CHSY3: variants seen among roughly 807,000 people sequenced by gnomAD.
CHSY3 encodes N-acetylgalactosaminyl-proteoglycan 3-beta-glucuronosyltransferase 3.
A neutral mutation model predicts 67.2 loss-of-function variants in CHSY3; 35 were observed. The ratio of observed to expected loss-of-function variants is 0.52; its 90% CI spans 0.40 to 0.69. CHSY3 has a LOEUF of 0.69. Among genes scored for constraint, CHSY3 ranks in the 30% least tolerant of loss-of-function variants. The pLI is 0.00. For synonymous variants in CHSY3, 474 were observed against 434.7 expected, an observed-to-expected ratio of 1.09 and a Z score of -1.12; for missense variants, 1,069 against 1,138.5, an observed-to-expected ratio of 0.94 and a Z score of 0.88.
intron 2 of CHSY3, among the ~76,000 whole-genome samples, chr5:129,975,257 C>T (rs1762772248): frequency 6.6e-6 from 1 of 152,058 alleles, no homozygotes; most frequent in African/African-American, 2.4e-5. Flanking sequence ...CAATCTAAGA[C>T]TATTAGTTTT....
intron 2 of CHSY3, among the ~76,000 whole-genome samples, chr5:130,012,332 A>T (rs1043139461): frequency 1.3e-5 from 2 of 152,222 alleles, no homozygotes; most frequent in Admixed American, 6.5e-5. Context: ...GCCAACAAAA[A>T]CAAGCACAAG....
chr5:130,004,445 G>A (rs1320169364), intron 2 of CHSY3, among the ~76,000 whole-genome samples: 1 of 152,070 alleles, frequency 6.6e-6, no homozygotes, highest in Admixed American at 6.5e-5. Context: ...TTGGAACTTT[G>A]TCTTTATTAA....
At chr5:130,070,008 T>C (rs1172728305) in intron 2 of CHSY3, among the ~76,000 whole-genome samples, 1 of 152,074 alleles carries the variant, frequency 6.6e-6, no homozygotes, top group Non-Finnish European at 1.5e-5. Flanking sequence ...TTATAAGATA[T>C]AGGCATATAT....
chr5:130,027,489 T>G (rs1764579146), intron 2 of CHSY3, among the ~76,000 whole-genome samples: 1 of 152,138 alleles, frequency 6.6e-6, no homozygotes, highest in Non-Finnish European at 1.5e-5. Flanking sequence ...ATTCTTATTA[T>G]ACTTTAAGTT....
chr5:130,178,225 ATT>A (rs1258091404), intron 2 of CHSY3, among the ~76,000 whole-genome samples: 1,969 of 74,298 alleles, frequency 0.027, 117 homozygotes, highest in African/African-American at 0.096. Context: ...ATATATTTAT[ATT>A]TATATATATA....
At chr5:130,179,659 G>C (rs1770186594) in intron 2 of CHSY3, among the ~76,000 whole-genome samples, 1 of 151,868 alleles carries the variant, frequency 6.6e-6, no homozygotes, top group South Asian at 2.1e-4. Flanking sequence ...TCAAAACCAG[G>C]TGCCTAATGT....
intron 2 of CHSY3, among the ~76,000 whole-genome samples, chr5:130,080,004 A>G (rs1055220652): frequency 2.0e-5 from 3 of 150,706 alleles, no homozygotes; most frequent in Non-Finnish European, 3.0e-5. Context: ...GCTTAGGAAA[A>G]TGTTTTCAGC....
intron 2 of CHSY3, among the ~76,000 whole-genome samples, chr5:129,993,622 T>A (rs1763436100): frequency 6.6e-6 from 1 of 152,116 alleles, no homozygotes; most frequent in Non-Finnish European, 1.5e-5. Context: ...GTGAGATGGG[T>A]TTCCTGAATA....
chr5:130,105,216 C>T (rs1443984012), intron 2 of CHSY3, among the ~76,000 whole-genome samples: 3 of 151,674 alleles, frequency 2.0e-5, no homozygotes, highest in African/African-American at 7.2e-5. Context: ...CTCCCTTTCT[C>T]TCTTCCCCTG....
At chr5:130,169,934 C>T (rs1769852929) in intron 2 of CHSY3, among the ~76,000 whole-genome samples, 1 of 151,934 alleles carries the variant, frequency 6.6e-6, no homozygotes. Flanking sequence ...TTAATGTCTT[C>T]TGAAATTTTG....
chr5:130,098,695 A>G (rs1224532512), intron 2 of CHSY3, among the ~76,000 whole-genome samples: 3 of 152,214 alleles, frequency 2.0e-5, no homozygotes, highest in African/African-American at 7.2e-5. Context: ...ATATCTATAG[A>G]CCCAGTTTCC....
intron 2 of CHSY3, among the ~76,000 whole-genome samples, chr5:130,095,797 G>A (rs542956686): frequency 6.6e-6 from 1 of 152,294 alleles, no homozygotes; most frequent in South Asian, 2.1e-4. Context: ...AATGAAAAAA[G>A]TAGTAACTTG....
intron 2 of CHSY3, among the ~76,000 whole-genome samples, chr5:130,065,476 G>T (rs1208114476): frequency 1.3e-5 from 2 of 152,042 alleles, no homozygotes; most frequent in African/African-American, 4.8e-5. Context: ...AAATGAGGTT[G>T]CTTCTCGGAA....
intron 2 of CHSY3, among the ~76,000 whole-genome samples, chr5:130,062,623 A>AT (rs888424669): frequency 6.6e-6 from 1 of 152,112 alleles, no homozygotes; most frequent in African/African-American, 2.4e-5. Context: ...CTATGTAATA[A>AT]TTTTTTTAAA....
At chr5:130,001,598 C>A in intron 2 of CHSY3, 1 of 846,000 alleles carries the variant, frequency 1.2e-6, no homozygotes, top group Non-Finnish European at 1.4e-6. Context: ...ACTACATGAG[C>A]ATTCTGTGAG....
chr5:130,084,492 C>T (rs1766546764), intron 2 of CHSY3, among the ~76,000 whole-genome samples: 1 of 151,782 alleles, frequency 6.6e-6, no homozygotes, highest in African/African-American at 2.4e-5. Context: ...GACACAGCCC[C>T]AGAAGACCCT....
chr5:130,006,281 A>G (rs1237389096), intron 2 of CHSY3, among the ~76,000 whole-genome samples: 1 of 152,146 alleles, frequency 6.6e-6, no homozygotes, highest in Non-Finnish European at 1.5e-5. Flanking sequence ...CAATGTTAGG[A>G]CATAGTAAGA....
At chr5:130,082,766 A>G (rs1025169802) in intron 2 of CHSY3, among the ~76,000 whole-genome samples, 4 of 151,902 alleles carry the variant, frequency 2.6e-5, no homozygotes, top group Admixed American at 6.6e-5. Context: ...GAGAAACACT[A>G]TTTTCACAGT....
At chr5:129,932,103 C>CAG (rs1415452163) in intron 2 of CHSY3, among the ~76,000 whole-genome samples, 1 of 115,026 alleles carries the variant, frequency 8.7e-6, no homozygotes, top group African/African-American at 3.8e-5. Context: ...ACCATAAAAC[C>CAG]ATATATATAT....
Sources: allele counts gnomAD v4.1 joint callset (sites outside exome capture counted in the v4.1 genomes callset), GRCh38; gene constraint gnomAD v4.1.1; transcripts MANE v1.5; gene names NCBI Gene and HGNC (gene_info 2026-07-23, HGNC 2026-07-21).